The following ADAMTSL3 variants were observed in gnomAD, a reference collection of about 807,000 sequenced individuals.
The protein encoded by ADAMTSL3 is ADAMTS-like protein 3.
ADAMTSL3 carries 128 observed loss-of-function variants against 201.7 expected under a neutral mutation model. The observed-to-expected ratio is 0.63, with a 90% CI of 0.55 to 0.73. The LOEUF (loss-of-function observed/expected upper bound fraction) is 0.73, where lower values mean the gene tolerates loss of function less well. Ranked by LOEUF, ADAMTSL3 falls within the 30% of genes least tolerant of loss-of-function variation. The pLI is 0.00. For synonymous variants in ADAMTSL3, 738 were observed against 748.4 expected, an observed-to-expected ratio of 0.99 and a Z score of 0.23; for missense variants, 1,990 against 2,119.6, an observed-to-expected ratio of 0.94 and a Z score of 1.20.
intron 10 of ADAMTSL3, among the ~76,000 whole-genome samples, chr15:83,888,894 A>C (rs191734253): frequency 2.0e-5 from 3 of 152,346 alleles, no homozygotes; most frequent in East Asian, 3.9e-4. Flanking sequence ...TCCTCTCGAC[A>C]ATCAGGACTT....
At chr15:83,993,373 C>T (rs1053765869) in intron 23 of ADAMTSL3, among the ~76,000 whole-genome samples, 1 of 152,190 alleles carries the variant, frequency 6.6e-6, no homozygotes, top group African/African-American at 2.4e-5. Flanking sequence ...TAGATGAGTA[C>T]ATTAAAACAT....
At chr15:83,821,170 A>G (rs2063858094) in intron 6 of ADAMTSL3, among the ~76,000 whole-genome samples, 1 of 152,162 alleles carries the variant, frequency 6.6e-6, no homozygotes, top group Non-Finnish European at 1.5e-5. Flanking sequence ...TGACTTCTGA[A>G]AAATATTTTT....
chr15:83,829,840 A>G (rs574573775), intron 6 of ADAMTSL3, among the ~76,000 whole-genome samples: 21 of 152,224 alleles, frequency 1.4e-4, no homozygotes, highest in Non-Finnish European at 8.8e-5. Flanking sequence ...AGTGGTTTTG[A>G]GTGAGTTTCT....
At chr15:83,795,323 A>G (rs771311372) in intron 4 of ADAMTSL3, among the ~76,000 whole-genome samples, 6 of 152,172 alleles carry the variant, frequency 3.9e-5, no homozygotes, top group Admixed American at 6.5e-5. Flanking sequence ...AATTAAGGGA[A>G]ATCCATGGGG....
rs1233345692 is a variant in ADAMTSL3 at position 83,954,266 on chromosome 15, T to C, written c.2490+11184T>C. ...CCTCTAACTGTATTTTAAAATACCCTGTTTTCAGGCTCACCAGTTCTTTCT... is the reference window on the plus strand; with the variant it reads ...CCTCTAACTGTATTTTAAAATACCCCGTTTTCAGGCTCACCAGTTCTTTCT... On this transcript the variant is annotated intron_variant, in intron 19 of 29. Coordinates refer to ENST00000286744, the MANE Select transcript of ADAMTSL3 (RefSeq NM_207517.3). 2.6e-5 allele frequency among the ~76,000 whole-genome samples: 4 copies of C among 152,230 alleles called. No individual in the cohort carries two copies. In the South Asian group the frequency reaches 6.2e-4, roughly 24 times the overall value.
Position 83,662,403 on chromosome 15 carries a change from T to A in ADAMTSL3, c.69+6573T>A, listed in dbSNP as rs370305489. On this transcript the variant is annotated intron_variant, in intron 2 of 29. Coordinates refer to ENST00000286744, the MANE Select transcript of ADAMTSL3 (RefSeq NM_207517.3). ...TCACATGGACACAGGAAGGGGAATA[T>A]CACACTCTGGGGACTGTGGTGGGGT... 3.0e-4 allele frequency among the ~76,000 whole-genome samples: 36 copies of A among 120,664 alleles called. 1 individual carries two copies. In the East Asian group the frequency reaches 8.5e-3, roughly 29 times the overall value. 79.2% of individuals were successfully genotyped at this position (120,664 alleles called of 152,430 possible).
intron 9 of ADAMTSL3, among the ~76,000 whole-genome samples, chr15:83,883,742 C>T (rs12916223): frequency 0.62 from 94,132 of 150,978 alleles, 30,604 homozygotes; most frequent in African/African-American, 0.8. Context: ...TAAACTTTTT[C>T]TTTTGGAGAG....
intron 4 of ADAMTSL3, among the ~76,000 whole-genome samples, chr15:83,793,314 T>C (rs1288189813): frequency 1.3e-5 from 2 of 152,344 alleles, no homozygotes; most frequent in East Asian, 3.9e-4. Flanking sequence ...TGAAAATTGC[T>C]GAGACCGGAT....
At chr15:83,763,414 T>G (rs1292558241) in intron 3 of ADAMTSL3, among the ~76,000 whole-genome samples, 4 of 151,868 alleles carry the variant, frequency 2.6e-5, no homozygotes, top group African/African-American at 9.7e-5. Flanking sequence ...AATCTAGATT[T>G]TTTTTTTTTT....
At chr15:83,676,595 G>T (rs148518657) in intron 2 of ADAMTSL3, among the ~76,000 whole-genome samples, 3 of 152,118 alleles carry the variant, frequency 2.0e-5, no homozygotes, top group African/African-American at 7.2e-5. Context: ...GGAGAATGGC[G>T]TGAACCCGGG....
At chr15:83,821,708 T>C (rs1447915355) in intron 6 of ADAMTSL3, among the ~76,000 whole-genome samples, 2 of 152,222 alleles carry the variant, frequency 1.3e-5, no homozygotes, top group East Asian at 3.9e-4. Context: ...CACTTTCTAT[T>C]CCACAAAACC....
intron 2 of ADAMTSL3, among the ~76,000 whole-genome samples, chr15:83,671,150 T>TA (rs1286947457): frequency 4.6e-5 from 7 of 152,234 alleles, no homozygotes; most frequent in African/African-American, 1.4e-4. Flanking sequence ...TTCAGGTTTT[T>TA]ATATCAAGAT....
At chr15:83,985,216 A>C (rs2067452614) in intron 21 of ADAMTSL3, among the ~76,000 whole-genome samples, 2 of 152,090 alleles carry the variant, frequency 1.3e-5, no homozygotes. Flanking sequence ...ATTTAAAAAA[A>C]TCACCGTGTA....
chr15:83,878,910 G>C (rs1396512790), intron 9 of ADAMTSL3, among the ~76,000 whole-genome samples: 2 of 151,930 alleles, frequency 1.3e-5, no homozygotes, highest in African/African-American at 4.8e-5. Flanking sequence ...ATGTTTGGCA[G>C]TGTGCACCAG....
intron 16 of ADAMTSL3, among the ~76,000 whole-genome samples, chr15:83,915,766 C>A (rs1013651026): frequency 9.2e-5 from 14 of 152,130 alleles, no homozygotes; most frequent in Non-Finnish European, 1.6e-4. Context: ...TCTGTGACTG[C>A]GATCTTTCAC....
intron 19 of ADAMTSL3, among the ~76,000 whole-genome samples, chr15:83,968,174 T>C (rs2067124751): frequency 6.6e-6 from 1 of 152,156 alleles, no homozygotes; most frequent in South Asian, 2.1e-4. Flanking sequence ...AAAGCCAAAA[T>C]TGACAAATGG....
chr15:84,026,183 A>AGGTTAT (rs1303286824), intron 27 of ADAMTSL3, among the ~76,000 whole-genome samples: 1 of 152,222 alleles, frequency 6.6e-6, no homozygotes, highest in Non-Finnish European at 1.5e-5. Context: ...GAAGAGACAC[A>AGGTTAT]GGTTATGGTG....
intron 3 of ADAMTSL3, among the ~76,000 whole-genome samples, chr15:83,755,675 T>G (rs73437223): frequency 0.034 from 5,128 of 152,318 alleles, 297 homozygotes; most frequent in African/African-American, 0.11. Flanking sequence ...CAGTGGACAT[T>G]TGGGTTGTCT....
intron 3 of ADAMTSL3, among the ~76,000 whole-genome samples, chr15:83,739,387 G>A (rs2062418928): frequency 6.7e-6 from 1 of 149,790 alleles, no homozygotes; most frequent in African/African-American, 2.5e-5. Context: ...TGCCACAATG[G>A]AAAATTCCAT....
Sources: allele counts gnomAD v4.1 joint callset (sites outside exome capture counted in the v4.1 genomes callset), GRCh38; gene constraint gnomAD v4.1.1; transcripts MANE v1.5; gene names NCBI Gene and HGNC (gene_info 2026-07-23, HGNC 2026-07-21).